Variants in AKAP13 observed in about 807,000 individuals in gnomAD.
The protein encoded by AKAP13 is A-kinase anchoring protein 13.
Under a neutral mutation model 264.5 loss-of-function variants are expected in AKAP13, and 80 were observed. The ratio of observed to expected loss-of-function variants is 0.30; its 90% confidence interval spans 0.25 to 0.36. The LOEUF is 0.36. AKAP13 is among the 10% of genes least tolerant of loss of function. The pLI is 1.00. For synonymous variants in AKAP13, 1,380 were observed against 1,250.2 expected, an observed-to-expected ratio of 1.10 and a Z score of -2.19; for missense variants, 3,712 against 3,435.2, an observed-to-expected ratio of 1.08 and a Z score of -2.01.
rs1356953790 is a variant in AKAP13 at position 85,389,717 on chromosome 15, A to G, written c.-12+8919A>G. 4 of 152,268 alleles carry G rather than the reference A, an allele frequency of 2.6e-5. 1 individual carries two copies. The highest frequency in any genetic ancestry group is 9.6e-5 in the African/African-American group (4 of 41,478). 9.4% of individuals were successfully genotyped at this position (152,268 alleles called of 1,614,324 possible). A position where few individuals can be genotyped will look rare whatever the true frequency, so the allele number is the denominator to read the frequency against. ...AACAATGTAGGTATCTTTTAGTTGA[A>G]GAGGCACATGGTACATACCTAAGAT... is the stretch of plus-strand genomic sequence containing the variant. On this transcript the variant is annotated intron_variant, in intron 1 of 36. Coordinates refer to ENST00000394518, the MANE Select transcript of AKAP13 (RefSeq NM_007200.5).
Position 85,645,886 on chromosome 15 carries a change from G to A in AKAP13, c.4306G>A (p.Glu1436Lys). The change falls in exon 10 of 37, where the codon GAA (glutamate) becomes AAA (lysine). Residue 1436 changes from glutamate (E) to lysine (K), a missense_variant. This residue lies in a region of AKAP13 where 2,759 missense variants were observed against 2,411.7 expected (regional missense o/e 1.14). Transcript: ENST00000394518. ...CTSKQGVLKR[E>K]SGSDSDLFHS... ...CTCAAAACAAGGTGTACTTAAAAGA[G>A]AATCTGGGAGTGATTCTGACCTCTT... 3 of 1,613,216 alleles carry A rather than the reference G, an allele frequency of 1.9e-6. No homozygotes were observed. Among genetic ancestry groups the A allele is most frequent in the Non-Finnish European group, 2.5e-6 (3 of 1,179,726 alleles).
intron 17 of AKAP13, among the ~76,000 whole-genome samples, chr15:85,695,945 G>A (rs2085543139): frequency 6.6e-6 from 1 of 152,204 alleles, no homozygotes; most frequent in Non-Finnish European, 1.5e-5. Flanking sequence ...TAGCTTCTTA[G>A]TACTGGAATA....
In AKAP13 at chr15:85,645,971, C is replaced by T; in HGVS notation, c.4374+17C>T. The T allele has an allele frequency of 6.3e-7, 1 of 1,597,334 alleles. No homozygotes were observed. The highest frequency in any genetic ancestry group is 1.3e-5 in the African/African-American group (1 of 74,136). ...TTCCCAAAGGTACTGTGTGGACCTT[C>T]CTTTCATTTTTGTCACACGGCTTTT... On this transcript the variant is annotated intron_variant, in intron 10 of 36. Transcript: ENST00000394518.
At chr15:85,677,413 T>C (rs1215398512) in intron 14 of AKAP13, among the ~76,000 whole-genome samples, 1 of 152,184 alleles carries the variant, frequency 6.6e-6, no homozygotes, top group Non-Finnish European at 1.5e-5. Flanking sequence ...CTAATAATAC[T>C]GTATGCTAAT....
intron 17 of AKAP13, among the ~76,000 whole-genome samples, chr15:85,703,704 G>A (rs1034484286): frequency 2.6e-5 from 4 of 151,978 alleles, no homozygotes; most frequent in East Asian, 3.9e-4. Context: ...TTAGTCAGGC[G>A]TAGTGGCATG....
chr15:85,513,750 G>A (rs1328816660), intron 2 of AKAP13, among the ~76,000 whole-genome samples: 1 of 152,182 alleles, frequency 6.6e-6, no homozygotes, highest in Non-Finnish European at 1.5e-5. Context: ...TGTGGAACAC[G>A]TCCACACCCT....
At chr15:85,408,893 A>T (rs2071806086) in intron 1 of AKAP13, among the ~76,000 whole-genome samples, 1 of 151,602 alleles carries the variant, frequency 6.6e-6, no homozygotes, top group Non-Finnish European at 1.5e-5. Context: ...TTTTTTGAGG[A>T]GCTGCCATAC....
chr15:85,433,432 G>T (rs2073118691), intron 1 of AKAP13, among the ~76,000 whole-genome samples: 1 of 151,632 alleles, frequency 6.6e-6, no homozygotes, highest in Admixed American at 6.6e-5. Context: ...GTCGGTAGTG[G>T]GCATTTTCGC....
chr15:85,664,705 G>T lies in AKAP13; in HGVS notation c.4942G>T (p.Glu1648Ter). 6.2e-7 allele frequency: 1 copy of T among 1,614,102 alleles called. No individual in the cohort carries two copies. The highest frequency in any genetic ancestry group is 8.5e-7 in the Non-Finnish European group (1 of 1,179,968). ...ERVDSLVSLS[E>*]EDLESDQREH... is the part of the protein sequence containing the mutation. Reference sequence around the variant, plus strand: ...GGTTGACTCTTTGGTGTCACTTTCAGAAGAGGATCTGGAGTCAGACCAGAG... The same window carrying T: ...GGTTGACTCTTTGGTGTCACTTTCATAAGAGGATCTGGAGTCAGACCAGAG... Residue 1648 changes from glutamate to a stop codon, truncating the protein, a stop_gained, in exon 13 of 37, where the codon GAA (glutamate) becomes TAA (stop). Transcript: ENST00000394518. LOFTEE classifies it high-confidence loss of function.
intron 25 of AKAP13, 26 bp downstream of exon 25, chr15:85,722,373 T>G: frequency 1.9e-6 from 3 of 1,577,152 alleles, no homozygotes; most frequent in Non-Finnish European, 2.6e-6. Context: ...AACTCGGTCT[T>G]GTATGGTCAT....
In AKAP13 at chr15:85,533,522, C is replaced by T. The variant is rs530312530; in HGVS notation, c.182-62C>T. On this transcript the variant is annotated intron_variant, in intron 3 of 36. Coordinates refer to ENST00000394518, the MANE Select transcript of AKAP13 (RefSeq NM_007200.5). Reference sequence around the variant, plus strand: ...GTGAAATAAGAGCTAAGAGGATCCACTAGCGTCCTTTCAGCAGTGAGGCTC... The same window carrying T: ...GTGAAATAAGAGCTAAGAGGATCCATTAGCGTCCTTTCAGCAGTGAGGCTC... 2.3e-4 allele frequency: 336 copies of T among 1,483,522 alleles called. No individual in the cohort carries two copies. In the African/African-American group the frequency reaches 4.2e-3, roughly 18 times the overall value. The allele number at this position is 1,483,522 out of a possible 1,614,324, so 91.9% of individuals were successfully genotyped here.
intron 8 of AKAP13, among the ~76,000 whole-genome samples, chr15:85,626,347 C>A (rs980317343): frequency 8.5e-5 from 13 of 152,190 alleles, no homozygotes; most frequent in Non-Finnish European, 1.5e-5. Context: ...CCAGCTGTCT[C>A]TCCAGAACTT....
intron 17 of AKAP13, among the ~76,000 whole-genome samples, chr15:85,706,768 C>T (rs368924306): frequency 6.6e-6 from 1 of 152,056 alleles, no homozygotes; most frequent in Non-Finnish European, 1.5e-5. Flanking sequence ...TGGTCCCTGC[C>T]CCAGAGAGGG....
chr15:85,395,619 C>T (rs16977813), intron 1 of AKAP13, among the ~76,000 whole-genome samples: 66,803 of 151,894 alleles, frequency 0.44, 15,016 homozygotes, highest in African/African-American at 0.52. Context: ...GGAGACTTTT[C>T]GATAGGACAG....
In AKAP13 at chr15:85,743,710, G is replaced by A. The variant is rs1414305191; in HGVS notation, c.8277G>A (p.Gly2759=). ...GCCAGACAAACAAAGGACCAGAAGG[G>A]CAGAGCCAGGCCCCTGCGTCCACCT... is the stretch of plus-strand genomic sequence containing the variant. The part of the protein sequence containing the change: ...STSQTNKGPE[G]QSQAPASTSA... The change falls in exon 36 of 37, where the codon GGG becomes GGA. Residue 2759 remains glycine, a synonymous_variant. Coordinates refer to ENST00000394518, the MANE Select transcript of AKAP13 (RefSeq NM_007200.5). The A allele has an allele frequency of 6.2e-7, 1 of 1,614,032 alleles. No homozygotes were observed. The highest frequency in any genetic ancestry group is 1.3e-5 in the African/African-American group (1 of 74,906).
intron 2 of AKAP13, among the ~76,000 whole-genome samples, chr15:85,519,505 C>G (rs539906304): frequency 3.3e-5 from 5 of 152,154 alleles, no homozygotes; most frequent in Non-Finnish European, 5.9e-5. Context: ...GAAATGGACT[C>G]TTCTCATACA....
chr15:85,428,084 A>G (rs2072875995), intron 1 of AKAP13, among the ~76,000 whole-genome samples: 1 of 152,132 alleles, frequency 6.6e-6, no homozygotes, highest in South Asian at 2.1e-4. Context: ...TCCTGGCCAC[A>G]TGAACAAGTC....
intron 5 of AKAP13, among the ~76,000 whole-genome samples, chr15:85,556,538 C>T (rs1309177586): frequency 2.6e-5 from 4 of 152,156 alleles, no homozygotes; most frequent in African/African-American, 9.7e-5. Context: ...GCCTTCCTCC[C>T]CCTAGTGTTT....
intron 11 of AKAP13, 81 bp from the exon 12 acceptor site, chr15:85,658,456 G>T (rs968119482): frequency 2.5e-5 from 30 of 1,204,834 alleles, no homozygotes; most frequent in South Asian, 5.1e-5. Context: ...TCTCTCCCCA[G>T]TGTGGTGTCT....
Sources: gnomAD v4.1 joint callset for allele counts (sites outside exome capture counted in the v4.1 genomes callset) on GRCh38, gnomAD v4.1.1 for gene constraint, gnomAD v4.1.1 regional missense constraint, MANE v1.5 for transcripts, NCBI Gene and HGNC (gene_info 2026-07-23, HGNC 2026-07-21) for gene names.